KCNQ5: variants seen among roughly 807,000 people sequenced by gnomAD.
The protein encoded by KCNQ5 is potassium voltage-gated channel subfamily Q member 5.
KCNQ5 carries 30 observed loss-of-function variants against 98.2 expected under a neutral mutation model. The ratio of observed to expected loss-of-function variants is 0.31; its 90% CI spans 0.23 to 0.41. The LOEUF (loss-of-function observed/expected upper bound fraction) is 0.41, where lower values mean the gene tolerates loss of function less well. Among genes scored for constraint, KCNQ5 ranks in the 10% least tolerant of loss-of-function variants. The probability of loss-of-function intolerance (pLI) is 1.00; values close to 1 mark genes in which losing one functional copy is unlikely to be tolerated. For synonymous variants in KCNQ5, 458 were observed against 449.4 expected, an observed-to-expected ratio of 1.02 and a Z score of -0.24; for missense variants, 835 against 1,182.5, an observed-to-expected ratio of 0.71 and a Z score of 4.31.
chr6:73,093,685 G>T (rs963844234), intron 5 of KCNQ5, among the ~76,000 whole-genome samples: 6 of 152,102 alleles, frequency 3.9e-5, no homozygotes, highest in East Asian at 1.9e-4. Flanking sequence ...TCAAGAGCAG[G>T]TTATTTAATT....
intron 1 of KCNQ5, among the ~76,000 whole-genome samples, chr6:72,758,456 G>A (rs1386866641): frequency 1.3e-5 from 2 of 152,128 alleles, no homozygotes; most frequent in Non-Finnish European, 2.9e-5. Flanking sequence ...TTACCAATCT[G>A]TAGCAGCAGA....
intron 11 of KCNQ5, among the ~76,000 whole-genome samples, chr6:73,177,159 T>C (rs564826743): frequency 2.0e-5 from 3 of 152,332 alleles, no homozygotes; most frequent in African/African-American, 7.2e-5. Context: ...AGAAGGTCCT[T>C]TGAAAGTGGC....
chr6:73,160,985 C>A (rs981181902), intron 10 of KCNQ5, among the ~76,000 whole-genome samples: 1 of 152,054 alleles, frequency 6.6e-6, no homozygotes, highest in African/African-American at 2.4e-5. Flanking sequence ...GAAAAGAAGT[C>A]AATATATTGA....
At chr6:73,116,931 A>G (rs1775526985) in intron 7 of KCNQ5, among the ~76,000 whole-genome samples, 1 of 152,202 alleles carries the variant, frequency 6.6e-6, no homozygotes, top group African/African-American at 2.4e-5. Context: ...CAAACATGCC[A>G]TAATGGTAAT....
intron 1 of KCNQ5, among the ~76,000 whole-genome samples, chr6:72,885,758 A>T (rs1160893323): frequency 1.3e-5 from 2 of 152,336 alleles, no homozygotes; most frequent in South Asian, 2.1e-4. Flanking sequence ...AAGGGAAAGG[A>T]AGCAGAGCCT....
chr6:73,022,047 G>A (rs1220118719), intron 2 of KCNQ5, among the ~76,000 whole-genome samples: 1 of 152,036 alleles, frequency 6.6e-6, no homozygotes, highest in Non-Finnish European at 1.5e-5. Flanking sequence ...AGTATAACAT[G>A]AGTCTGTAGC....
At chr6:72,625,525 G>T (rs1051332652) in intron 1 of KCNQ5, among the ~76,000 whole-genome samples, 5 of 152,184 alleles carry the variant, frequency 3.3e-5, no homozygotes, top group African/African-American at 1.2e-4. Flanking sequence ...AGAATAATGA[G>T]GGTAGTAGGG....
At chr6:73,083,652 C>T (rs1274173166) in intron 5 of KCNQ5, among the ~76,000 whole-genome samples, 4 of 152,168 alleles carry the variant, frequency 2.6e-5, no homozygotes, top group East Asian at 1.9e-4. Context: ...ATATAAGTCT[C>T]TTTGTGATTA....
At chr6:72,888,139 G>A (rs576274375) in intron 1 of KCNQ5, among the ~76,000 whole-genome samples, 16 of 152,196 alleles carry the variant, frequency 1.1e-4, no homozygotes, top group African/African-American at 2.6e-4. Flanking sequence ...AAAGTAAAAC[G>A]TTAAAATTTG....
At chr6:72,749,477 C>G (rs1203190091) in intron 1 of KCNQ5, among the ~76,000 whole-genome samples, 1 of 152,008 alleles carries the variant, frequency 6.6e-6, no homozygotes, top group African/African-American at 2.4e-5. Context: ...AAAAATTTCT[C>G]AGACTTTAAT....
intron 1 of KCNQ5, among the ~76,000 whole-genome samples, chr6:72,836,258 A>G (rs886722820): frequency 6.6e-6 from 1 of 152,210 alleles, no homozygotes; most frequent in African/African-American, 2.4e-5. Context: ...TACTTATTCA[A>G]AAAAGCCTGT....
intron 5 of KCNQ5, among the ~76,000 whole-genome samples, chr6:73,102,266 A>T (rs904031754): frequency 1.3e-5 from 2 of 152,186 alleles, no homozygotes; most frequent in African/African-American, 4.8e-5. Flanking sequence ...GGGATTAAAA[A>T]GTTAAATCTA....
At chr6:72,698,809 C>A (rs988389081) in intron 1 of KCNQ5, among the ~76,000 whole-genome samples, 4 of 150,066 alleles carry the variant, frequency 2.7e-5, no homozygotes, top group Non-Finnish European at 4.4e-5. Flanking sequence ...CATGCACTTC[C>A]ATGCCTGGCT....
chr6:73,146,547 A>T (rs905401570), intron 10 of KCNQ5, among the ~76,000 whole-genome samples: 1 of 143,466 alleles, frequency 7.0e-6, no homozygotes, highest in Non-Finnish European at 1.5e-5. Context: ...GGATCTTTTG[A>T]GCCCAGGAGG....
intron 1 of KCNQ5, among the ~76,000 whole-genome samples, chr6:72,906,801 C>G (rs1779717278): frequency 6.6e-6 from 1 of 152,148 alleles, no homozygotes; most frequent in Admixed American, 6.5e-5. Context: ...GTCTGTGGGT[C>G]CTTTCGAGTT....
intron 2 of KCNQ5, among the ~76,000 whole-genome samples, chr6:73,041,345 G>T (rs899027540): frequency 6.6e-6 from 1 of 152,196 alleles, no homozygotes; most frequent in African/African-American, 2.4e-5. Flanking sequence ...AGATCTGGAG[G>T]ATTCAGGGTC....
rs528772342 is a variant in KCNQ5 at position 73,059,173 on chromosome 6, T to C, written c.616+17111T>C. On this transcript the variant is annotated intron_variant, in intron 3 of 13. Transcript: ENST00000370398. ...GACATGAAATCAACCTACATGCCCA[T>C]TGATGGTGGATTGGATAAAGAAAAT... Among the ~76,000 whole-genome samples, 212 of 152,322 alleles carry C rather than the reference T, an allele frequency of 1.4e-3. 1 individual carries two copies. The highest frequency in any genetic ancestry group is 3.3e-3 in the South Asian group (16 of 4,818).
chr6:73,117,874 G>A (rs910344790), intron 7 of KCNQ5, among the ~76,000 whole-genome samples: 1 of 152,082 alleles, frequency 6.6e-6, no homozygotes, highest in East Asian at 1.9e-4. Flanking sequence ...TCAAGATGAT[G>A]CAACAATAGT....
At chr6:72,874,524 A>T (rs1465888889) in intron 1 of KCNQ5, among the ~76,000 whole-genome samples, 2 of 152,184 alleles carry the variant, frequency 1.3e-5, no homozygotes, top group Admixed American at 1.3e-4. Context: ...TAAGACCAAA[A>T]CAGAAAAACC....
Sources: allele counts gnomAD v4.1 joint callset (sites outside exome capture counted in the v4.1 genomes callset), GRCh38; gene constraint gnomAD v4.1.1; transcripts MANE v1.5; gene names NCBI Gene and HGNC (gene_info 2026-07-23, HGNC 2026-07-21).